Variants in MID1 observed in about 807,000 individuals in gnomAD.
The protein encoded by MID1 is midline 1.
In MID1, 7 loss-of-function variants were observed where a neutral mutation model predicts 40.4. The observed-to-expected ratio is 0.17, with a 90% confidence interval of 0.10 to 0.33. MID1 has a LOEUF of 0.33. Among genes scored for constraint, MID1 ranks in the 10% least tolerant of loss-of-function variants. The pLI, the probability that MID1 is intolerant of heterozygous loss-of-function variation, is 1.00. For missense variants in MID1, 367 were observed against 558.5 expected, an observed-to-expected ratio of 0.66 and a Z score of 3.46; for synonymous variants, 229 against 221.2, an observed-to-expected ratio of 1.04 and a Z score of -0.31.
chrX:10,782,659 T>C (rs934644161), intron 1 of MID1, among the ~76,000 whole-genome samples: 5 of 112,091 alleles, frequency 4.5e-5, no homozygotes, highest in African/African-American at 1.6e-4. Context: ...GATTATATTA[T>C]TGAGATGTAA....
At chrX:10,749,450 A>G (rs1053925518) in intron 1 of MID1, among the ~76,000 whole-genome samples, 3 of 112,249 alleles carry the variant, frequency 2.7e-5, no homozygotes, top group African/African-American at 9.7e-5. Flanking sequence ...CTCACCTTGA[A>G]GAAAGAGGGG....
At chrX:10,688,882 A>C (rs930987718) in intron 1 of MID1, among the ~76,000 whole-genome samples, 3 of 111,518 alleles carry the variant, frequency 2.7e-5, no homozygotes, top group Non-Finnish European at 5.6e-5. Flanking sequence ...TTGTGTCACA[A>C]AAATACCTAT....
intron 1 of MID1, among the ~76,000 whole-genome samples, chrX:10,675,958 C>G (rs969090706): frequency 4.5e-5 from 5 of 112,221 alleles, no homozygotes; most frequent in Non-Finnish European, 9.4e-5. Context: ...TGTGAACACT[C>G]TCCCCTCCTT....
intron 1 of MID1, among the ~76,000 whole-genome samples, chrX:10,750,846 A>G (rs184414542): frequency 1.8e-5 from 2 of 110,723 alleles, no homozygotes; most frequent in East Asian, 5.6e-4. Flanking sequence ...GTCTTTATTT[A>G]GAAGCATATT....
intron 1 of MID1, among the ~76,000 whole-genome samples, chrX:10,749,549 G>T (rs754960703): frequency 8.9e-6 from 1 of 112,205 alleles, no homozygotes; most frequent in Non-Finnish European, 1.9e-5. Context: ...TTGCTATAAA[G>T]AAATACCTGA....
intron 1 of MID1, among the ~76,000 whole-genome samples, chrX:10,573,926 C>T (rs1602424279): frequency 9.0e-6 from 1 of 111,580 alleles, no homozygotes; most frequent in Non-Finnish European, 1.9e-5. Flanking sequence ...CTGTCTTTGT[C>T]TTCTCTACAG....
chrX:10,765,383 G>T (rs2147123013), intron 1 of MID1, among the ~76,000 whole-genome samples: 1 of 112,474 alleles, frequency 8.9e-6, no homozygotes, highest in African/African-American at 3.2e-5. Flanking sequence ...GGTATTCAGA[G>T]ATAAAGCTAG....
chrX:10,552,213 A>G (rs1462761458), intron 2 of MID1, among the ~76,000 whole-genome samples: 1 of 110,979 alleles, frequency 9.0e-6, no homozygotes, highest in African/African-American at 3.3e-5. Context: ...AGATAATTTT[A>G]TTAAAAGTTA....
chrX:10,664,427 C>A (rs975784638), intron 1 of MID1, among the ~76,000 whole-genome samples: 9 of 111,908 alleles, frequency 8.0e-5, no homozygotes, highest in Admixed American at 2.8e-4. Flanking sequence ...GCCTCGGCCT[C>A]CCAAAGTGCT....
chrX:10,800,705 G>T (rs1602585422), intron 1 of MID1, among the ~76,000 whole-genome samples: 1 of 111,862 alleles, frequency 8.9e-6, no homozygotes, highest in East Asian at 2.8e-4. Context: ...AACAATACAC[G>T]TGAACACACT....
At chrX:10,562,616 T>A (rs1440512544) in intron 2 of MID1, among the ~76,000 whole-genome samples, 1 of 104,910 alleles carries the variant, frequency 9.5e-6, no homozygotes, top group Non-Finnish European at 1.9e-5. Context: ...GAAAGACACA[T>A]TTTAAAAAAT....
At chrX:10,655,885 C>A (rs1186905594) in intron 1 of MID1, among the ~76,000 whole-genome samples, 1 of 110,783 alleles carries the variant, frequency 9.0e-6, no homozygotes, top group Non-Finnish European at 1.9e-5. Context: ...CCTCTCATCA[C>A]CTGCCAGCTG....
intron 1 of MID1, among the ~76,000 whole-genome samples, chrX:10,602,231 T>C (rs1935542899): frequency 9.2e-6 from 1 of 108,355 alleles, no homozygotes; most frequent in African/African-American, 3.4e-5. Context: ...CTGACTTTTT[T>C]TTTTTTTTTT....
chrX:10,460,225 G>C lies in MID1; in HGVS notation c.1286-418C>G, dbSNP rs181635807. On this transcript the variant is annotated intron_variant, in intron 7 of 9. Coordinates refer to ENST00000317552, the MANE Select transcript of MID1 (RefSeq NM_000381.4). Reference sequence around the variant, plus strand: ...ACTGCTCTGGAGAAAATATGCCTAGGATACTCTGTTTATCCCAACAGGATG... The same window carrying C: ...ACTGCTCTGGAGAAAATATGCCTAGCATACTCTGTTTATCCCAACAGGATG... Among the ~76,000 whole-genome samples, 5 of 111,723 alleles carry C rather than the reference G, an allele frequency of 4.5e-5. No individual in the cohort carries two copies. In the East Asian group the frequency reaches 1.4e-3, roughly 32 times the overall value.
chrX:10,760,334 G>C (rs1309001570), intron 1 of MID1, among the ~76,000 whole-genome samples: 1 of 111,661 alleles, frequency 9.0e-6, no homozygotes, highest in Non-Finnish European at 1.9e-5. Flanking sequence ...TCTCTCTAAA[G>C]ATATAAGAAT....
intron 2 of MID1, among the ~76,000 whole-genome samples, chrX:10,523,392 A>C (rs972089437): frequency 8.9e-6 from 1 of 111,983 alleles, no homozygotes; most frequent in Non-Finnish European, 1.9e-5. Context: ...CTCAGACTTT[A>C]TTCTTTTTGT....
intron 3 of MID1, among the ~76,000 whole-genome samples, chrX:10,507,177 A>G (rs1482365223): frequency 1.9e-5 from 1 of 53,875 alleles, no homozygotes; most frequent in Non-Finnish European, 3.6e-5. Context: ...CTCCGCCCCC[A>G]TCTCTCCCTC....
intron 2 of MID1, among the ~76,000 whole-genome samples, chrX:10,550,973 G>A (rs1209211472): frequency 1.6e-4 from 18 of 111,524 alleles, no homozygotes; most frequent in Admixed American, 1.3e-3. Context: ...ATATACAGTC[G>A]TCCCGAGGTA....
intron 1 of MID1, among the ~76,000 whole-genome samples, chrX:10,728,664 T>C (rs1410846451): frequency 8.9e-6 from 1 of 112,020 alleles, no homozygotes; most frequent in African/African-American, 3.2e-5. Flanking sequence ...TTGGAGATGT[T>C]TGTGCAGCAC....
Sources: allele counts gnomAD v4.1 joint callset (sites outside exome capture counted in the v4.1 genomes callset), GRCh38; gene constraint gnomAD v4.1.1; transcripts MANE v1.5; gene names NCBI Gene and HGNC (gene_info 2026-07-23, HGNC 2026-07-21).